RYR2: variants seen among roughly 807,000 people sequenced by gnomAD.
RYR2 encodes ryanodine receptor 2.
A neutral mutation model predicts 601.1 loss-of-function variants in RYR2; 227 were observed. That is an observed-to-expected ratio of 0.38 (90% confidence interval 0.34 to 0.42). The LOEUF (loss-of-function observed/expected upper bound fraction) is 0.42, where lower values mean the gene tolerates loss of function less well. Among genes scored for constraint, RYR2 ranks in the 10% least tolerant of loss-of-function variants. The pLI, the probability that RYR2 is intolerant of heterozygous loss-of-function variation, is 1.00. For synonymous variants in RYR2, 2,223 were observed against 2,175.1 expected (o/e 1.02, Z -0.61); for missense variants, 4,646 against 6,156.5 (o/e 0.75, Z 8.21).
chr1:237,308,274 A>G (rs1235232638), intron 2 of RYR2, among the ~76,000 whole-genome samples: 1 of 152,180 alleles, frequency 6.6e-6, no homozygotes, highest in Admixed American at 6.5e-5. Context: ...AAACCATTGG[A>G]GCAGAACACA....
intron 6 of RYR2, 130 bp from the exon 7 acceptor site, chr1:237,374,587 G>GCT (rs1700880301): frequency 2.8e-6 from 2 of 711,760 alleles, no homozygotes; most frequent in Admixed American, 4.1e-5. Context: ...GAGCCCAGGA[G>GCT]GTTGAGGCTG....
rs4142933 is a variant in RYR2 at position 237,454,734 on chromosome 1, G to A, written c.1476+160G>A. Among the ~76,000 whole-genome samples the A allele has an allele frequency of 0.45, 68,855 of 151,950 alleles. 17,653 individuals carry two copies. Among genetic ancestry groups the A allele is most frequent in the East Asian group, 0.64 (3,328 of 5,160 alleles). ...GAGAAACAGGCCTTAGAGAAATCTC[G>A]ACATGATTTTTATTTATTTATACTA... On this transcript the variant is annotated intron_variant, in intron 15 of 104. Coordinates refer to ENST00000366574, the MANE Select transcript of RYR2 (RefSeq NM_001035.3).
rs191389060 is a variant in RYR2 at position 237,819,592 on chromosome 1, G to T, written c.14590+400G>T. ...CAAGCACTTTGGGAGGCTGAAGGGG[G>T]ATGGATCACTTGAGGTCAGGAGCTC... On this transcript the variant is annotated intron_variant, in intron 101 of 104. Transcript: ENST00000366574. The surrounding 1 kb of genome is among the most constrained non-coding windows in gnomAD (Gnocchi z 4.0). 5.4e-3 allele frequency among the ~76,000 whole-genome samples: 818 copies of T among 152,240 alleles called. 3 individuals are homozygous for T. The highest frequency in any genetic ancestry group is 7.3e-3 in the Non-Finnish European group (497 of 68,016).
rs796832994 is a variant in RYR2, at chr1:237,641,471, G to GTCTTTCTTTCTTTCTTTCTTTCTT, written c.7221+503_7221+526dup. Among the ~76,000 whole-genome samples the GTCTTTCTTTCTTTCTTTCTTTCTT allele has an allele frequency of 4.6e-5, 5 of 108,706 alleles. No individual in the cohort carries two copies. In the South Asian group the frequency reaches 9.5e-4, roughly 21 times the overall value. 71.3% of individuals were successfully genotyped at this position (108,706 alleles called of 152,430 possible). ...AGACCATATAAATTAGTGTCTGTCT[G>GTCTTTCTTTCTTTCTTTCTTTCTT]TCTTTCTTTCTTTCTTTCTTTCTTT... On this transcript the variant is annotated intron_variant, in intron 47 of 104. Transcript: ENST00000366574.
chr1:237,651,490 A>T lies in RYR2; in HGVS notation c.7813A>T (p.Met2605Leu). 1 of 1,559,676 alleles carries T rather than the reference A, an allele frequency of 6.4e-7. No homozygotes were observed. Among genetic ancestry groups the T allele is most frequent in the Non-Finnish European group, 8.7e-7 (1 of 1,144,912 alleles). Reference protein sequence around the residue: ...DVPLLNEHAKMPLKLLTNHYE... With the variant: ...DVPLLNEHAKLPLKLLTNHYE... The stretch of plus-strand genomic sequence containing the variant: ...TCCATTATTAAATGAACACGCAAAG[A>T]TGCCTCTTAAAGTAAGTATAGGAAA... The change falls in exon 51 of 105, where the codon ATG (methionine) becomes TTG (leucine). Residue 2605 changes from methionine (M) to leucine (L), a missense_variant. By Grantham distance (15) the Met-to-Leu change is conservative (BLOSUM62 2). Transcript: ENST00000366574.
intron 96 of RYR2, among the ~76,000 whole-genome samples, chr1:237,796,858 C>T (rs1460088198): frequency 1.3e-5 from 2 of 152,060 alleles, no homozygotes; most frequent in Non-Finnish European, 2.9e-5. Flanking sequence ...GATTTCAGCT[C>T]ACTGCAATCT....
chr1:237,531,841 A>G (rs1300293392), intron 25 of RYR2, among the ~76,000 whole-genome samples: 2 of 152,214 alleles, frequency 1.3e-5, no homozygotes. Context: ...AGTGTATCTT[A>G]TGAGCACAGA....
At chr1:237,743,380 A>AT (rs1691787005) in intron 80 of RYR2, among the ~76,000 whole-genome samples, 1 of 152,192 alleles carries the variant, frequency 6.6e-6, no homozygotes, top group Non-Finnish European at 1.5e-5. Context: ...GAAAAATGCC[A>AT]TAAGATTAAT....
intron 10 of RYR2, among the ~76,000 whole-genome samples, chr1:237,396,163 G>A (rs1188222021): frequency 6.6e-6 from 1 of 152,156 alleles, no homozygotes; most frequent in Non-Finnish European, 1.5e-5. Flanking sequence ...GTTCCTGAAG[G>A]ATTGTTATCT....
intron 1 of RYR2, among the ~76,000 whole-genome samples, chr1:237,053,481 C>T (rs757509161): frequency 5.6e-4 from 85 of 152,304 alleles, no homozygotes; most frequent in Non-Finnish European, 1.0e-3. Flanking sequence ...AGAATTGCAT[C>T]ACACAGAAGC....
chr1:237,226,269 C>A (rs1012905404), intron 1 of RYR2, among the ~76,000 whole-genome samples: 1 of 152,108 alleles, frequency 6.6e-6, no homozygotes, highest in Non-Finnish European at 1.5e-5. Context: ...CGTATTTCGC[C>A]TCTCACTGAT....
At chr1:237,445,968 C>A (rs1708300335) in intron 14 of RYR2, among the ~76,000 whole-genome samples, 1 of 152,108 alleles carries the variant, frequency 6.6e-6, no homozygotes, top group African/African-American at 2.4e-5. Flanking sequence ...AGGTGCTCAC[C>A]ACCATGCCTA....
chr1:237,184,444 G>A (rs889455782), intron 1 of RYR2, among the ~76,000 whole-genome samples: 32 of 145,168 alleles, frequency 2.2e-4, no homozygotes, highest in Non-Finnish European at 4.0e-4. Context: ...ACTACTTTTC[G>A]GGAGCCATAA....
intron 10 of RYR2, among the ~76,000 whole-genome samples, chr1:237,388,425 T>G (rs1454956565): frequency 1.3e-5 from 2 of 152,200 alleles, no homozygotes; most frequent in Non-Finnish European, 2.9e-5. Context: ...TAAGAAACAC[T>G]GAACAAAATT....
At chr1:237,280,747 T>G (rs1690765442) in intron 2 of RYR2, among the ~76,000 whole-genome samples, 1 of 151,964 alleles carries the variant, frequency 6.6e-6, no homozygotes, top group African/African-American at 2.4e-5. Flanking sequence ...TAAATTGTGA[T>G]TCATAAGTTA....
chr1:237,406,369 T>C (rs1428085972), intron 10 of RYR2, among the ~76,000 whole-genome samples: 3 of 151,720 alleles, frequency 2.0e-5, no homozygotes, highest in Non-Finnish European at 4.4e-5. Flanking sequence ...TCCTAAAATA[T>C]ATACCTATGT....
At chr1:237,532,224 G>A (rs1468879080) in intron 25 of RYR2, among the ~76,000 whole-genome samples, 1 of 152,122 alleles carries the variant, frequency 6.6e-6, no homozygotes, top group Non-Finnish European at 1.5e-5. Flanking sequence ...CTCATAGTAA[G>A]ATGGATTTAG....
At chr1:237,086,564 G>A (rs1199169639) in intron 1 of RYR2, among the ~76,000 whole-genome samples, 7 of 152,014 alleles carry the variant, frequency 4.6e-5, no homozygotes, top group Non-Finnish European at 8.8e-5. Context: ...ATCTTACTAT[G>A]GTGTTATGAT....
intron 19 of RYR2, among the ~76,000 whole-genome samples, chr1:237,493,536 T>C (rs1160676117): frequency 6.6e-6 from 1 of 152,128 alleles, no homozygotes; most frequent in African/African-American, 2.4e-5. Context: ...CACTGCAAGC[T>C]CCACCTCCCG....
Sources: gnomAD v4.1 joint callset for allele counts (sites outside exome capture counted in the v4.1 genomes callset) on GRCh38, gnomAD v4.1.1 for gene constraint, Gnocchi (gnomAD v3.1) non-coding constraint, MANE v1.5 for transcripts, NCBI Gene and HGNC (gene_info 2026-07-23, HGNC 2026-07-21) for gene names.